VPS36: variants seen among roughly 807,000 people sequenced by gnomAD.
The protein encoded by VPS36 is vacuolar protein-sorting-associated protein 36.
In VPS36, 31 loss-of-function variants were observed where a neutral mutation model predicts 63.5. The ratio of observed to expected loss-of-function variants is 0.49; its 90% CI spans 0.37 to 0.66. VPS36 has a LOEUF of 0.66. VPS36 is among the 30% of genes least tolerant of loss of function. VPS36 has a pLI of 0.00. For missense variants in VPS36, 338 were observed against 463.7 expected (o/e 0.73, Z 2.49); for synonymous variants, 138 against 157.2 (o/e 0.88, Z 0.91).
intron 2 of VPS36, among the ~76,000 whole-genome samples, chr13:52,440,844 T>A (rs1248958467): frequency 1.3e-5 from 2 of 152,224 alleles, no homozygotes; most frequent in Non-Finnish European, 2.9e-5. Context: ...ACCTTTTGTG[T>A]ATCAGGGACC....
intron 1 of VPS36, among the ~76,000 whole-genome samples, chr13:52,444,442 A>C (rs1027912075): frequency 3.3e-5 from 5 of 150,758 alleles, no homozygotes; most frequent in African/African-American, 1.2e-4. Flanking sequence ...CCTGGGTGAC[A>C]GAGCAAGACT....
chr13:52,434,768 G>A lies in VPS36; in HGVS notation c.441+25C>T, dbSNP rs749832035. The stretch of plus-strand genomic sequence containing the variant: ...TGTAAGTACAGAGTTGAAAATACTG[G>A]ATTAGCAAATAGTTTTAAAAATACC... On this transcript the variant is annotated intron_variant, in intron 5 of 13. Coordinates refer to ENST00000378060, the MANE Select transcript of VPS36 (RefSeq NM_016075.4). 9 of 1,594,338 alleles carry A rather than the reference G, an allele frequency of 5.6e-6. No homozygotes were observed. In the South Asian group the frequency reaches 1.0e-4, roughly 18 times the overall value.
chr13:52,427,256 A>G (rs199909284), intron 6 of VPS36, 37 bp from the exon 7 acceptor site: 163 of 1,595,648 alleles, frequency 1.0e-4, no homozygotes, highest in East Asian at 4.9e-4. Flanking sequence ...AAATCCATCT[A>G]AAGAATTAAA....
intron 10 of VPS36, among the ~76,000 whole-genome samples, chr13:52,418,383 T>C (rs1958013351): frequency 6.6e-6 from 1 of 151,892 alleles, no homozygotes; most frequent in Non-Finnish European, 1.5e-5. Flanking sequence ...GAGACCGGCC[T>C]GGCCAACATG....
intron 6 of VPS36, chr13:52,429,395 G>T (rs1329915831): frequency 4.3e-6 from 3 of 699,028 alleles, no homozygotes; most frequent in Admixed American, 6.3e-5. Flanking sequence ...TTCAGCCTTT[G>T]ACTTCCATAT....
chr13:52,418,682 A>G (rs773606261), intron 10 of VPS36, among the ~76,000 whole-genome samples: 12 of 152,186 alleles, frequency 7.9e-5, no homozygotes, highest in Admixed American at 2.6e-4. Flanking sequence ...CATATAATCA[A>G]TACAAAAAAT....
intron 1 of VPS36, 187 bp downstream of exon 1, chr13:52,450,312 G>A: frequency 6.8e-6 from 8 of 1,170,880 alleles, no homozygotes; most frequent in Non-Finnish European, 8.4e-6. Context: ...AGCGCCCCAC[G>A]CCACGTGCTA....
rs1380592731 is a variant in VPS36 at position 52,414,100 on chromosome 13, T to A, written c.*1730A>T. 1 of 152,210 alleles carries A rather than the reference T, an allele frequency of 6.6e-6. No homozygotes were observed. Among genetic ancestry groups the A allele is most frequent in the Non-Finnish European group, 1.5e-5 (1 of 68,032 alleles). The allele number at this position is 152,210 out of a possible 1,614,324, so 9.4% of individuals were successfully genotyped here. A position where few individuals can be genotyped will look rare whatever the true frequency, so the allele number is the denominator to read the frequency against. ...GCGCTAGATTGAGTAGCTCCAGCAA[T>A]CTTCCTTGCAACTCACTCCAGCTGG... is the stretch of plus-strand genomic sequence containing the variant. On this transcript the variant is annotated 3_prime_UTR_variant, in exon 14 of 14. Coordinates refer to ENST00000378060, the MANE Select transcript of VPS36 (RefSeq NM_016075.4).
Position 52,416,042 on chromosome 13 carries a change from T to C in VPS36, c.1042A>G (p.Met348Val). ...TSEEFAKLVGMSVLLAKERLL... is the reference protein window; with the variant it reads ...TSEEFAKLVGVSVLLAKERLL... ...CTTTCTTTGGCTAGGAGGACAGACA[T>C]TCCCACAAGCTTAGCAAACTCTTCT... Residue 348 changes from methionine (M) to valine (V), a missense_variant, in exon 13 of 14, where the codon ATG (methionine) becomes GTG (valine). Met to Val is a conservative substitution (Grantham distance 21). Transcript: ENST00000378060. The C allele has an allele frequency of 6.2e-7, 1 of 1,614,050 alleles. No individual in the cohort carries two copies. The highest frequency in any genetic ancestry group is 1.1e-5 in the South Asian group (1 of 91,054).
At chr13:52,417,315 A>G (rs117752379) in intron 11 of VPS36, among the ~76,000 whole-genome samples, 174 bp from the exon 12 acceptor site, 507 of 152,356 alleles carry the variant, frequency 3.3e-3, no homozygotes, top group Middle Eastern at 0.01. Context: ...GCTCATGAAT[A>G]CACAGATAAT....
chr13:52,427,532 A>G (rs765269187), intron 6 of VPS36, among the ~76,000 whole-genome samples: 1 of 151,976 alleles, frequency 6.6e-6, no homozygotes, highest in Non-Finnish European at 1.5e-5. Flanking sequence ...GCGTTAACCC[A>G]GGAGGCGGAG....
chr13:52,426,208 G>A (rs1958099559), intron 8 of VPS36, 142 bp from the exon 9 acceptor site: 2 of 1,054,206 alleles, frequency 1.9e-6, no homozygotes, highest in African/African-American at 3.2e-5. Context: ...AACTATAAGG[G>A]AGCAGATTTC....
chr13:52,425,914 C>G lies in VPS36; in HGVS notation c.774+18G>C. The G allele has an allele frequency of 6.3e-7, 1 of 1,595,770 alleles. No individual in the cohort carries two copies. The highest frequency in any genetic ancestry group is 8.5e-7 in the Non-Finnish European group (1 of 1,173,868). On this transcript the variant is annotated intron_variant, in intron 9 of 13. Transcript: ENST00000378060. ...ATTTAACACAGTTTAAAAAAAAACA[C>G]ATAGGTTTAGTTTTTACCTCTAAAG...
chr13:52,450,190 C>G (rs1334111997), intron 1 of VPS36: 1 of 1,031,504 alleles, frequency 9.7e-7, no homozygotes, highest in East Asian at 8.2e-5. Flanking sequence ...CTCCTTCTCC[C>G]GGGCACTGCA....
intron 9 of VPS36, among the ~76,000 whole-genome samples, chr13:52,425,151 G>T (rs978426744): frequency 6.6e-6 from 1 of 151,514 alleles, no homozygotes; most frequent in African/African-American, 2.4e-5. Context: ...TACTCTGGAG[G>T]CTGAGGCAGG....
At chr13:52,436,242 C>A (rs1958214845) in intron 4 of VPS36, 48 bp downstream of exon 4, 1 of 1,329,978 alleles carries the variant, frequency 7.5e-7, no homozygotes, top group Non-Finnish European at 1.1e-6. Flanking sequence ...CACACACACA[C>A]ACACACACAC....
intron 1 of VPS36, chr13:52,449,917 T>A (rs899779905): frequency 2.0e-6 from 2 of 985,460 alleles, no homozygotes; most frequent in Non-Finnish European, 2.4e-6. Context: ...GGCATTCCAA[T>A]GAAGCACTGA....
intron 10 of VPS36, among the ~76,000 whole-genome samples, chr13:52,418,659 A>G (rs1958017508): frequency 6.6e-6 from 1 of 152,112 alleles, no homozygotes; most frequent in Admixed American, 6.5e-5. Flanking sequence ...GATTGAACAT[A>G]GAACCAATTC....
At position 52,413,950 on chromosome 13, in the gene VPS36, C is replaced by G. The variant is rs1446946215; in HGVS notation, c.*1880G>C. 1.3e-5 allele frequency: 2 copies of G among 152,110 alleles called. No individual in the cohort carries two copies. Among genetic ancestry groups the G allele is most frequent in the African/African-American group, 4.8e-5 (2 of 41,422 alleles). 9.4% of individuals were successfully genotyped at this position (152,110 alleles called of 1,614,324 possible). A position where few individuals can be genotyped will look rare whatever the true frequency, so the allele number is the denominator to read the frequency against. ...ATTTGCAAAATATATTTATATATCACTTTTCTTCCTTCTTAAGTTATTTTA... is the reference window on the plus strand; with the variant it reads ...ATTTGCAAAATATATTTATATATCAGTTTTCTTCCTTCTTAAGTTATTTTA... On this transcript the variant is annotated 3_prime_UTR_variant, in exon 14 of 14. Transcript: ENST00000378060.
Sources: allele counts gnomAD v4.1 joint callset (sites outside exome capture counted in the v4.1 genomes callset), GRCh38; gene constraint gnomAD v4.1.1; transcripts MANE v1.5; gene names NCBI Gene and HGNC (gene_info 2026-07-23, HGNC 2026-07-21).